The following PCDHA5 variants were observed in gnomAD, a reference collection of about 807,000 sequenced individuals.
PCDHA5 encodes protocadherin alpha-5.
Under a neutral mutation model 61.6 loss-of-function variants are expected in PCDHA5, and 43 were observed. The observed-to-expected ratio is 0.70, with a 90% CI of 0.55 to 0.90. The LOEUF is 0.90. Ranked by LOEUF, PCDHA5 falls within the 40% of genes least tolerant of loss-of-function variation. PCDHA5 has a pLI of 0.00. For missense variants in PCDHA5, 1,298 were observed against 1,222.7 expected (o/e 1.06, Z -0.92); for synonymous variants, 627 against 543.9 (o/e 1.15, Z -2.13).
chr5:140,967,072 C>A, intron 1 of PCDHA5: 7 of 1,613,106 alleles, frequency 4.3e-6, no homozygotes, highest in Non-Finnish European at 5.9e-6. Context: ...TCTTCGTCAA[C>A]GAGCGCATTG....
intron 1 of PCDHA5, chr5:140,863,137 G>GT (rs1309983213): frequency 1.7e-6 from 1 of 604,700 alleles, no homozygotes; most frequent in Admixed American, 1.9e-5. Context: ...CCGCCTGCTG[G>GT]TGCTGGTGAA....
chr5:140,998,781 C>G (rs1554256464), intron 3 of PCDHA5, among the ~76,000 whole-genome samples: 1 of 152,162 alleles, frequency 6.6e-6, no homozygotes, highest in East Asian at 1.9e-4. Context: ...TCAGGCTGGT[C>G]TGGAACCCCT....
intron 1 of PCDHA5, chr5:140,849,333 T>G: frequency 2.9e-6 from 4 of 1,383,164 alleles, no homozygotes; most frequent in Non-Finnish European, 4.0e-6. Context: ...TATTATTTAC[T>G]CCTTCTCCAG....
intron 1 of PCDHA5, chr5:140,884,171 C>A: frequency 6.2e-7 from 1 of 1,613,414 alleles, no homozygotes; most frequent in Non-Finnish European, 8.5e-7. Flanking sequence ...CAGCACGACG[C>A]GCCCTCTGGA....
Position 140,823,802 on chromosome 5 carries a change from A to G in PCDHA5, c.2027A>G (p.Lys676Arg). Reference protein sequence around the residue: ...VSLVESGQAPKASSRASAGAV... With the variant: ...VSLVESGQAPRASSRASAGAV... The stretch of plus-strand genomic sequence containing the variant: ...CTGGTGGAAAGTGGCCAGGCGCCGA[A>G]GGCCTCATCGCGGGCGTCGGCGGGC... The change falls in exon 1 of 4, where the codon AAG becomes AGG. Residue 676 changes from lysine (K) to arginine (R), a missense_variant. Coordinates refer to ENST00000529859, the MANE Select transcript of PCDHA5 (RefSeq NM_018908.3). 2 of 1,613,828 alleles carry G rather than the reference A, an allele frequency of 1.2e-6. No homozygotes were observed. The highest frequency in any genetic ancestry group is 1.7e-6 in the Non-Finnish European group (2 of 1,179,908).
chr5:140,822,062 G>A lies in PCDHA5; in HGVS notation c.287G>A (p.Arg96Gln), dbSNP rs997674203. 5 of 1,614,204 alleles carry A rather than the reference G, an allele frequency of 3.1e-6. No homozygotes were observed. The highest frequency in any genetic ancestry group is 2.2e-5 in the East Asian group (1 of 44,894). ...NSRIDREELC[R>Q]RRAECSIHLE... ...CGGATCGACCGGGAGGAGCTGTGCC[G>A]GCGGAGGGCGGAGTGCAGCATCCAC... Residue 96 changes from arginine (R) to glutamine (Q), a missense_variant, in exon 1 of 4, where the codon CGG becomes CAG. Physicochemically the swap from Arg to Gln is conservative, Grantham distance 43 (BLOSUM62 1). Transcript: ENST00000529859.
intron 1 of PCDHA5, among the ~76,000 whole-genome samples, chr5:140,941,202 C>CCTTTCTTCCTTCCTTTCTTTCTTTCTTT (rs1394736170): frequency 4.9e-5 from 6 of 122,740 alleles, no homozygotes; most frequent in Admixed American, 1.7e-4. Context: ...TTTCTTTCTT[C>CCTTTCTTCCTTCCTTTCTTTCTTTCTTT]CTTTCTTTCT....
At chr5:140,832,735 T>C (rs1373705667) in intron 1 of PCDHA5, among the ~76,000 whole-genome samples, 2 of 152,316 alleles carry the variant, frequency 1.3e-5, no homozygotes, top group Non-Finnish European at 1.5e-5. Context: ...GTATCCTACA[T>C]AAATACGATG....
At chr5:140,869,322 C>A (rs1169893950) in intron 1 of PCDHA5, 12 of 1,613,702 alleles carry the variant, frequency 7.4e-6, no homozygotes, top group Non-Finnish European at 1.0e-5. Context: ...CACATGGGGA[C>A]CTTCTGGAGG....
At position 140,850,183 on chromosome 5, in the gene PCDHA5, C is replaced by A. The variant is rs2150471701; in HGVS notation, c.2352+26056C>A. The A allele has an allele frequency of 1.8e-5, 29 of 1,593,776 alleles. 2 individuals carry two copies. In the South Asian group the frequency reaches 3.1e-4, roughly 17 times the overall value. On this transcript the variant is annotated intron_variant, in intron 1 of 3. Coordinates refer to ENST00000529859, the MANE Select transcript of PCDHA5 (RefSeq NM_018908.3). The stretch of plus-strand genomic sequence containing the variant: ...GTGCTGGACGAGAACGACAATGCGC[C>A]GGCGCTGCTGACACCTCGGATGAGG...
At chr5:140,882,588 A>T in intron 1 of PCDHA5, 7 of 1,614,186 alleles carry the variant, frequency 4.3e-6, no homozygotes, top group Non-Finnish European at 5.1e-6. Context: ...ATCCACCTGG[A>T]GGTGATCGTG....
intron 3 of PCDHA5, among the ~76,000 whole-genome samples, chr5:141,000,361 GTCTCTC>G (rs148596731): frequency 0.13 from 3,495 of 26,124 alleles, 319 homozygotes; most frequent in Middle Eastern, 0.15. Context: ...GTCTCTCTCT[GTCTCTC>G]TCTCTCTCTC....
chr5:140,848,400 G>T, intron 1 of PCDHA5: 1 of 1,298,514 alleles, frequency 7.7e-7, no homozygotes. Context: ...TGTGCTGAAC[G>T]ATGGCGAACA....
chr5:140,943,450 T>C (rs2093496924), intron 1 of PCDHA5, among the ~76,000 whole-genome samples: 1 of 152,012 alleles, frequency 6.6e-6, no homozygotes, highest in Non-Finnish European at 1.5e-5. Context: ...ATAGAATTGA[T>C]AAGGCTAAAT....
At position 140,966,347 on chromosome 5, in the gene PCDHA5, G is replaced by A. The variant is rs189506336; in HGVS notation, c.2353-12602G>A. 6.3e-5 allele frequency: 25 copies of A among 397,502 alleles called. No homozygotes were observed. The East Asian group carries it at 8.6e-4, about 14-fold the overall frequency. The allele number at this position is 397,502 out of a possible 1,614,324, so 24.6% of individuals were successfully genotyped here. A position where few individuals can be genotyped will look rare whatever the true frequency, so the allele number is the denominator to read the frequency against. On this transcript the variant is annotated intron_variant, in intron 1 of 3. Transcript: ENST00000529859. ...GGGATCCGGCAGGTCCAGGGTGAAG[G>A]AGATGGGGCTGGAGAGGCTGAGCAG... is the stretch of plus-strand genomic sequence containing the variant.
At chr5:140,902,594 A>G (rs1208012043) in intron 1 of PCDHA5, among the ~76,000 whole-genome samples, 1 of 152,112 alleles carries the variant, frequency 6.6e-6, no homozygotes, top group Non-Finnish European at 1.5e-5. Context: ...TTTGGGAAAC[A>G]GGTCGTTTTC....
chr5:140,963,543 T>C (rs1390082859), intron 1 of PCDHA5, among the ~76,000 whole-genome samples: 2 of 152,238 alleles, frequency 1.3e-5, no homozygotes, highest in East Asian at 1.9e-4. Flanking sequence ...TACTTCATGA[T>C]ATAAAAAGGG....
chr5:140,833,812 C>G (rs1772666935), intron 1 of PCDHA5, among the ~76,000 whole-genome samples: 1 of 152,102 alleles, frequency 6.6e-6, no homozygotes, highest in Admixed American at 6.6e-5. Flanking sequence ...TTCTTGAGAT[C>G]CTGGGTCCCT....
intron 1 of PCDHA5, chr5:140,865,648 T>C (rs769799199): frequency 2.6e-5 from 4 of 152,194 alleles, no homozygotes; most frequent in Non-Finnish European, 4.4e-5. Flanking sequence ...AAATACATTA[T>C]TTCATTTAAT....
Sources: gnomAD v4.1 joint callset for allele counts (sites outside exome capture counted in the v4.1 genomes callset) on GRCh38, gnomAD v4.1.1 for gene constraint, MANE v1.5 for transcripts, NCBI Gene and HGNC (gene_info 2026-07-23, HGNC 2026-07-21) for gene names.